TPTE: variants seen among roughly 807,000 people sequenced by gnomAD.
TPTE encodes the protein putative tyrosine-protein phosphatase TPTE.
In TPTE, 59 loss-of-function variants were observed where a neutral mutation model predicts 84.1. That is an observed-to-expected ratio of 0.70 (90% CI 0.57 to 0.87). The LOEUF is 0.87. TPTE is among the 40% of genes least tolerant of loss of function. The probability of loss-of-function intolerance (pLI) is 0.00; values close to 1 mark genes in which losing one functional copy is unlikely to be tolerated. For missense variants in TPTE, 382 were observed against 659.6 expected (o/e 0.58, Z 4.61); for synonymous variants, 130 against 223.5 (o/e 0.58, Z 3.73).
At chr21:10,604,168 C>T (rs1978976946) in intron 23 of TPTE, among the ~76,000 whole-genome samples, 1 of 152,312 alleles carries the variant, frequency 6.6e-6, no homozygotes, top group African/African-American at 2.4e-5. Context: ...TCAAATATGG[C>T]TTTCTAATAA....
At chr21:10,530,617 C>T (rs2074161160) in intron 3 of TPTE, among the ~76,000 whole-genome samples, 1 of 152,308 alleles carries the variant, frequency 6.6e-6, no homozygotes, top group East Asian at 1.9e-4. Flanking sequence ...AAGAGTGCCG[C>T]TAAATAATTA....
intron 1 of TPTE, among the ~76,000 whole-genome samples, chr21:10,522,384 CT>C (rs2073997550): frequency 6.6e-6 from 1 of 152,300 alleles, no homozygotes; most frequent in South Asian, 2.1e-4. Flanking sequence ...CGGTGGGGTG[CT>C]GTTCCGAAAA....
At chr21:10,588,533 T>A (rs2075408319) in intron 17 of TPTE, among the ~76,000 whole-genome samples, 2 of 152,312 alleles carry the variant, frequency 1.3e-5, no homozygotes, top group Admixed American at 6.5e-5. Context: ...GCCGTCTGGC[T>A]TTATTGTACT....
At chr21:10,542,162 T>G (rs1044461704) in intron 5 of TPTE, among the ~76,000 whole-genome samples, 4 of 152,304 alleles carry the variant, frequency 2.6e-5, no homozygotes, top group Non-Finnish European at 4.4e-5. Context: ...AATAAAGAGG[T>G]TTACTTAAAT....
chr21:10,542,165 A>T (rs2074380791), intron 5 of TPTE, among the ~76,000 whole-genome samples: 1 of 152,306 alleles, frequency 6.6e-6, no homozygotes, highest in African/African-American at 2.4e-5. Flanking sequence ...AAAGAGGTTT[A>T]CTTAAATCGG....
chr21:10,552,970 A>G (rs1421471962), intron 8 of TPTE, among the ~76,000 whole-genome samples: 1 of 152,310 alleles, frequency 6.6e-6, no homozygotes, highest in African/African-American at 2.4e-5. Flanking sequence ...AGAGGAAATT[A>G]ATTCCATTAA....
At chr21:10,521,927 C>G (rs1378196873) in intron 1 of TPTE, among the ~76,000 whole-genome samples, 1 of 152,060 alleles carries the variant, frequency 6.6e-6, no homozygotes, top group Non-Finnish European at 1.5e-5. Context: ...CCTCCGCCCT[C>G]CCCGTCCCCT....
intron 8 of TPTE, among the ~76,000 whole-genome samples, chr21:10,558,733 T>G (rs1221742365): frequency 2.0e-5 from 3 of 149,634 alleles, no homozygotes; most frequent in Non-Finnish European, 4.4e-5. Flanking sequence ...TCCTGAAGTC[T>G]TCTTCTACTG....
chr21:10,604,114 C>T (rs527328752), intron 23 of TPTE, among the ~76,000 whole-genome samples: 10 of 152,412 alleles, frequency 6.6e-5, no homozygotes, highest in African/African-American at 2.4e-4. Flanking sequence ...TTAAGGAATA[C>T]AGCTAAGAAA....
intron 8 of TPTE, among the ~76,000 whole-genome samples, chr21:10,559,208 A>G (rs1035819169): frequency 2.0e-5 from 3 of 152,310 alleles, no homozygotes; most frequent in African/African-American, 4.8e-5. Context: ...GATGACCACC[A>G]GTTTAAGTTT....
intron 3 of TPTE, among the ~76,000 whole-genome samples, chr21:10,538,195 C>T (rs1214013393): frequency 1.3e-5 from 2 of 152,310 alleles, no homozygotes; most frequent in Non-Finnish European, 2.9e-5. Context: ...CCCTGCAGAA[C>T]TCTGCCACAA....
chr21:10,588,953 G>A (rs767918235), intron 17 of TPTE, among the ~76,000 whole-genome samples: 1,286 of 148,700 alleles, frequency 8.6e-3, no homozygotes, highest in Non-Finnish European at 0.012. Context: ...GAATCTCATT[G>A]AGCTTCCTTG....
At chr21:10,554,213 A>T (rs373093097) in intron 8 of TPTE, among the ~76,000 whole-genome samples, 72 of 152,410 alleles carry the variant, frequency 4.7e-4, no homozygotes, top group African/African-American at 1.7e-3. Context: ...CATGGTGTAG[A>T]TGTGCTATAA....
At chr21:10,535,976 CAT>C (rs1233606406) in intron 3 of TPTE, among the ~76,000 whole-genome samples, 260 of 152,320 alleles carry the variant, frequency 1.7e-3, no homozygotes, top group Non-Finnish European at 3.0e-3. Flanking sequence ...ACTGCAGTTA[CAT>C]TAGAAATAAA....
At chr21:10,526,108 C>T (rs1181081403) in intron 2 of TPTE, among the ~76,000 whole-genome samples, 1 of 152,308 alleles carries the variant, frequency 6.6e-6, no homozygotes, top group Admixed American at 6.5e-5. Flanking sequence ...ATTATTCATC[C>T]TGCTGAAAAG....
intron 1 of TPTE, among the ~76,000 whole-genome samples, chr21:10,522,495 G>A (rs2074000337): frequency 6.6e-6 from 1 of 152,310 alleles, no homozygotes; most frequent in Non-Finnish European, 1.5e-5. Flanking sequence ...GCGATGCCCC[G>A]GGAAGGGCTG....
chr21:10,546,848 A>C (rs554164879), intron 7 of TPTE, among the ~76,000 whole-genome samples: 2 of 152,310 alleles, frequency 1.3e-5, no homozygotes, highest in East Asian at 3.8e-4. Context: ...TAAGGAAAGA[A>C]GCCATCTCCA....
intron 18 of TPTE, among the ~76,000 whole-genome samples, chr21:10,591,532 T>C: frequency 6.6e-6 from 1 of 152,426 alleles, no homozygotes; most frequent in East Asian, 1.9e-4. Context: ...TATCCAAAGG[T>C]TTAAATATTG....
intron 4 of TPTE, among the ~76,000 whole-genome samples, chr21:10,539,524 C>G (rs550714142): frequency 1.3e-5 from 2 of 152,306 alleles, no homozygotes; most frequent in East Asian, 3.8e-4. Context: ...AGAAATTCAC[C>G]CACAAAAGGC....
Sources: gnomAD v4.1 joint callset for allele counts (sites outside exome capture counted in the v4.1 genomes callset) on GRCh38, gnomAD v4.1.1 for gene constraint, MANE v1.5 for transcripts, NCBI Gene and HGNC (gene_info 2026-07-23, HGNC 2026-07-21) for gene names.